The following NFATC3 variants were observed in gnomAD, a reference collection of about 807,000 sequenced individuals.
The protein encoded by NFATC3 is nuclear factor of activated T-cells, cytoplasmic 3.
Under a neutral mutation model 98.6 loss-of-function variants are expected in NFATC3, and 46 were observed. That is an observed-to-expected ratio of 0.47 (90% confidence interval 0.37 to 0.60). The LOEUF (loss-of-function observed/expected upper bound fraction) is 0.60, where lower values mean the gene tolerates loss of function less well. NFATC3 is among the 20% of genes least tolerant of loss of function. NFATC3 has a pLI of 0.00. For synonymous variants in NFATC3, 512 were observed against 472.2 expected, an observed-to-expected ratio of 1.08 and a Z score of -1.09; for missense variants, 1,256 against 1,295.5, an observed-to-expected ratio of 0.97 and a Z score of 0.47.
At position 68,180,032 on chromosome 16, in the gene NFATC3, G is replaced by A. The variant is rs8045861; in HGVS notation, c.1916-1443G>A. 6.2e-3 allele frequency among the ~76,000 whole-genome samples: 946 copies of A among 152,262 alleles called. 11 individuals are homozygous for A. Among genetic ancestry groups the A allele is most frequent in the African/African-American group, 0.022 (902 of 41,550 alleles). ...GAAAGCTTTCATTAACAAAGACACA[G>A]CATTTCCGTGTACGGTGGTTAGAGC... is the stretch of plus-strand genomic sequence containing the variant. On this transcript the variant is annotated intron_variant, in intron 6 of 9. Transcript: ENST00000346183.
At position 68,191,168 on chromosome 16, in the gene NFATC3, G is replaced by T; in HGVS notation, c.2499G>T (p.Gln833His). 6.2e-7 allele frequency: 1 copy of T among 1,614,154 alleles called. No individual in the cohort carries two copies. The highest frequency in any genetic ancestry group is 8.5e-7 in the Non-Finnish European group (1 of 1,180,040). Residue 833 changes from glutamine to histidine, a missense_variant, in exon 9 of 10, where the codon CAG becomes CAT. By Grantham distance (24) the Gln-to-His change is conservative. Around this residue, in one of 3 missense-constraint regions of NFATC3, gnomAD observed 636 missense variants for 617.3 expected, o/e 1.03. Transcript: ENST00000346183. ...SSQEFDSVLF[Q>H]QDATLSGLVN... The stretch of plus-strand genomic sequence containing the variant: ...AAGAATTTGATTCAGTTTTGTTTCA[G>T]CAGGATGCAACTCTTTCTGGTTTAG...
At chr16:68,178,954 A>G (rs906634108) in intron 6 of NFATC3, among the ~76,000 whole-genome samples, 1 of 152,174 alleles carries the variant, frequency 6.6e-6, no homozygotes, top group Non-Finnish European at 1.5e-5. Flanking sequence ...GCTCCTTATT[A>G]TGGCATTCAG....
intron 8 of NFATC3, among the ~76,000 whole-genome samples, chr16:68,183,931 CAGGAGTGG>C (rs1217904008): frequency 1.4e-5 from 2 of 145,956 alleles, no homozygotes; most frequent in African/African-American, 2.5e-5. Flanking sequence ...TGCTTGAACC[CAGGAGTGG>C]AGGTTGCGGT....
At chr16:68,092,402 C>T (rs1343902798) in intron 1 of NFATC3, among the ~76,000 whole-genome samples, 1 of 148,636 alleles carries the variant, frequency 6.7e-6, no homozygotes, top group African/African-American at 2.5e-5. Flanking sequence ...GCAGTGAGCT[C>T]AGATGGTACC....
intron 3 of NFATC3, among the ~76,000 whole-genome samples, chr16:68,131,562 G>A (rs1259668367): frequency 6.6e-6 from 1 of 152,052 alleles, no homozygotes; most frequent in African/African-American, 2.4e-5. Context: ...AGAGGCGTGA[G>A]CCACTGTGCC....
Position 68,183,386 on chromosome 16 carries a change from T to G in NFATC3, c.2098+20T>G, listed in dbSNP as rs2040025948. The G allele has an allele frequency of 1.9e-6, 3 of 1,608,456 alleles. No individual in the cohort carries two copies. The highest frequency in any genetic ancestry group is 1.3e-5 in the African/African-American group (1 of 74,856). ...CACCAGGTACGAGGAGTCATGATGG[T>G]TTACTATAGAGCTTTCTTTCCTAAT... On this transcript the variant is annotated intron_variant, in intron 8 of 9. Coordinates refer to ENST00000346183, the MANE Select transcript of NFATC3 (RefSeq NM_173165.3).
At chr16:68,104,382 C>A (rs887599807) in intron 1 of NFATC3, among the ~76,000 whole-genome samples, 4 of 152,112 alleles carry the variant, frequency 2.6e-5, no homozygotes, top group African/African-American at 7.2e-5. Flanking sequence ...TTTTACCCTG[C>A]ACCTTTAATG....
chr16:68,101,593 CTT>C (rs2035364477), intron 1 of NFATC3, among the ~76,000 whole-genome samples: 1 of 151,864 alleles, frequency 6.6e-6, no homozygotes, highest in African/African-American at 2.4e-5. Context: ...ACGCCATTCT[CTT>C]GTCTCAGCCT....
At chr16:68,105,090 G>C (rs970601676) in intron 1 of NFATC3, among the ~76,000 whole-genome samples, 6 of 149,116 alleles carry the variant, frequency 4.0e-5, no homozygotes, top group African/African-American at 1.2e-4. Flanking sequence ...TGACTGTGTG[G>C]GTTTTTTTTT....
chr16:68,160,295 A>G (rs2151580714), intron 4 of NFATC3, among the ~76,000 whole-genome samples: 1 of 151,164 alleles, frequency 6.6e-6, no homozygotes, highest in African/African-American at 2.4e-5. Context: ...GAAACCCCCA[A>G]CTCTACTAAA....
intron 6 of NFATC3, among the ~76,000 whole-genome samples, chr16:68,177,995 T>C (rs1466772280): frequency 6.6e-6 from 1 of 152,196 alleles, no homozygotes; most frequent in African/African-American, 2.4e-5. Context: ...TTTGTTGTTA[T>C]CTGGTTCTCA....
intron 9 of NFATC3, among the ~76,000 whole-genome samples, chr16:68,219,172 T>A (rs2041758577): frequency 1.3e-5 from 2 of 151,114 alleles, no homozygotes; most frequent in Admixed American, 6.6e-5. Flanking sequence ...GATCACAAGG[T>A]CAGGAGTTTG....
At chr16:68,153,606 CATT>C (rs1299441357) in intron 3 of NFATC3, among the ~76,000 whole-genome samples, 2 of 151,952 alleles carry the variant, frequency 1.3e-5, no homozygotes, top group African/African-American at 4.8e-5. Flanking sequence ...GACTTCTTCA[CATT>C]ATTATTATTA....
intron 3 of NFATC3, among the ~76,000 whole-genome samples, chr16:68,152,854 C>T (rs1184798907): frequency 2.0e-5 from 3 of 152,318 alleles, no homozygotes; most frequent in Middle Eastern, 3.4e-3. Context: ...TTTTGTGTTA[C>T]AGTGACAGAG....
At chr16:68,149,430 A>G (rs536623806) in intron 3 of NFATC3, among the ~76,000 whole-genome samples, 2 of 152,234 alleles carry the variant, frequency 1.3e-5, no homozygotes, top group Non-Finnish European at 2.9e-5. Flanking sequence ...TATGCAGCCA[A>G]ACTTAATCCT....
intron 3 of NFATC3, among the ~76,000 whole-genome samples, chr16:68,150,351 AG>A (rs1420599129): frequency 6.7e-6 from 1 of 148,768 alleles, no homozygotes; most frequent in African/African-American, 2.5e-5. Context: ...CCAAGGCAGG[AG>A]GATCACTTGA....
intron 1 of NFATC3, among the ~76,000 whole-genome samples, chr16:68,112,646 GTT>G (rs914607835): frequency 6.1e-5 from 6 of 97,680 alleles, no homozygotes; most frequent in African/African-American, 2.6e-4. Context: ...TTTCTTTTTC[GTT>G]TTTTTTTTTT....
At chr16:68,094,075 C>T (rs557772912) in intron 1 of NFATC3, among the ~76,000 whole-genome samples, 4 of 152,256 alleles carry the variant, frequency 2.6e-5, no homozygotes, top group Non-Finnish European at 4.4e-5. Context: ...GGTACTGTAT[C>T]GCTATATCGC....
chr16:68,184,987 A>T lies in NFATC3; in HGVS notation c.2098+1621A>T, dbSNP rs1037333293. On this transcript the variant is annotated intron_variant, in intron 8 of 9. Coordinates refer to ENST00000346183, the MANE Select transcript of NFATC3 (RefSeq NM_173165.3). ...TCTATAATTAGGGGTTTATTTATTT[A>T]TTTTTTTTTTTTGAGAGAGAGTCTT... is the stretch of plus-strand genomic sequence containing the variant. Among the ~76,000 whole-genome samples, 456 of 146,814 alleles carry T rather than the reference A, an allele frequency of 3.1e-3. 3 individuals are homozygous for T. The highest frequency in any genetic ancestry group is 4.6e-3 in the Non-Finnish European group (302 of 66,296).
Sources: allele counts gnomAD v4.1 joint callset (sites outside exome capture counted in the v4.1 genomes callset), GRCh38; gene constraint gnomAD v4.1.1; regional missense constraint gnomAD v4.1.1; transcripts MANE v1.5; gene names NCBI Gene and HGNC (gene_info 2026-07-23, HGNC 2026-07-21).